Variants in CNTRL observed in about 807,000 individuals in gnomAD.
CNTRL encodes the protein 110 kDa centrosomal protein.
A neutral mutation model predicts 303.7 loss-of-function variants in CNTRL; 233 were observed. The ratio of observed to expected loss-of-function variants is 0.77; its 90% CI spans 0.69 to 0.86. The LOEUF is 0.86. CNTRL is among the 40% of genes least tolerant of loss of function. CNTRL has a pLI of 0.00. For missense variants in CNTRL, 2,524 were observed against 2,650.6 expected (o/e 0.95, Z 1.05); for synonymous variants, 900 against 922.2 (o/e 0.98, Z 0.44).
At chr9:121,177,078 C>T in intron 43 of CNTRL, 85 bp from the exon 44 acceptor site, 1 of 1,067,530 alleles carries the variant, frequency 9.4e-7, no homozygotes, top group Non-Finnish European at 1.5e-6. Flanking sequence ...TGTCATTTAC[C>T]TATAAGCCAT....
intron 32 of CNTRL, 132 bp downstream of exon 32, chr9:121,160,434 G>A (rs1040563589): frequency 1.1e-5 from 6 of 528,574 alleles, no homozygotes; most frequent in Non-Finnish European, 1.5e-5. Flanking sequence ...AAGCAAGCAG[G>A]TTATAAAAGG....
At chr9:121,162,347 G>C (rs1379627606) in intron 34 of CNTRL, 76 bp downstream of exon 34, 2 of 1,279,484 alleles carry the variant, frequency 1.6e-6, no homozygotes, top group African/African-American at 1.5e-5. Flanking sequence ...TAAAAAATTT[G>C]GAAAATAGAG....
At chr9:121,154,577 G>T in intron 26 of CNTRL, 144 bp from the exon 27 acceptor site, 1 of 572,054 alleles carries the variant, frequency 1.7e-6, no homozygotes, top group Non-Finnish European at 3.1e-6. Context: ...CCTAGACCTT[G>T]AACAAAATCA....
intron 16 of CNTRL, among the ~76,000 whole-genome samples, chr9:121,140,343 G>A (rs1255519397): frequency 2.0e-5 from 3 of 152,176 alleles, no homozygotes; most frequent in African/African-American, 4.8e-5. Flanking sequence ...GGATTAGATA[G>A]TACTACAGAA....
rs764424296 is a variant in CNTRL at position 121,173,721 on chromosome 9, G to C, written c.6731G>C (p.Arg2244Pro). The C allele has an allele frequency of 6.2e-7, 1 of 1,614,050 alleles. No homozygotes were observed. ...GEALREKLRH[R>P]EDRLKAQLRH... The stretch of plus-strand genomic sequence containing the variant: ...GCACTCCGGGAGAAACTGCGTCACC[G>C]GGAAGACCGACTCAAGGTTGCCCTT... Residue 2244 changes from arginine to proline, a missense_variant, in exon 42 of 44, where the codon CGG becomes CCG. Arg to Pro is a moderately radical substitution (Grantham distance 103). Transcript: ENST00000373855.
intron 7 of CNTRL, among the ~76,000 whole-genome samples, chr9:121,105,302 A>C (rs1250293719): frequency 6.6e-6 from 1 of 152,238 alleles, no homozygotes; most frequent in Non-Finnish European, 1.5e-5. Context: ...AGGTAGAAGC[A>C]GCAGCATTTT....
Position 121,158,244 on chromosome 9 carries a change from T to G in CNTRL, c.4764+135T>G, listed in dbSNP as rs1179765743. Reference sequence around the variant, plus strand: ...TTAAGCATGAAGTCTGAACTAAATTTGAATCCCAACTCAATACAATACTTC... The same window carrying G: ...TTAAGCATGAAGTCTGAACTAAATTGGAATCCCAACTCAATACAATACTTC... On this transcript the variant is annotated intron_variant, in intron 30 of 43. Coordinates refer to ENST00000373855, the MANE Select transcript of CNTRL (RefSeq NM_007018.6). 5 of 1,040,898 alleles carry G rather than the reference T, an allele frequency of 4.8e-6. No individual in the cohort carries two copies. The African/African-American group carries it at 6.4e-5, about 13-fold the overall frequency. The allele number at this position is 1,040,898 out of a possible 1,614,324, so 64.5% of individuals were successfully genotyped here. A position where few individuals can be genotyped will look rare whatever the true frequency, so the allele number is the denominator to read the frequency against.
At chr9:121,108,234 A>G (rs560304736) in intron 8 of CNTRL, among the ~76,000 whole-genome samples, 6 of 152,326 alleles carry the variant, frequency 3.9e-5, no homozygotes, top group Admixed American at 2.0e-4. Context: ...TTTAAAAACA[A>G]CATTGTAGGT....
At chr9:121,132,078 C>T (rs1402048256) in intron 14 of CNTRL, among the ~76,000 whole-genome samples, 1 of 152,146 alleles carries the variant, frequency 6.6e-6, no homozygotes, top group African/African-American at 2.4e-5. Context: ...TCCTTCATGT[C>T]AACCTTAGGG....
At chr9:121,093,296 C>T (rs2048747484) in intron 4 of CNTRL, among the ~76,000 whole-genome samples, 1 of 152,066 alleles carries the variant, frequency 6.6e-6, no homozygotes, top group Non-Finnish European at 1.5e-5. Context: ...GATATATTGC[C>T]TTACCAATAC....
At chr9:121,152,328 G>A (rs72760240) in intron 25 of CNTRL, 157 bp from the exon 26 acceptor site, 55,584 of 617,100 alleles carry the variant, frequency 0.09, 2,856 homozygotes, top group Non-Finnish European at 0.11. Context: ...AGTTTCATCC[G>A]TGACATTTAA....
intron 25 of CNTRL, chr9:121,150,762 A>G (rs559691882): frequency 1.1e-5 from 4 of 369,318 alleles, no homozygotes; most frequent in African/African-American, 8.3e-5. Flanking sequence ...AACAAAAACC[A>G]AAAAAACAAA....
rs765133341 is a variant in CNTRL, at chr9:121,171,516, A to T, written c.6385A>T (p.Met2129Leu). The stretch of plus-strand genomic sequence containing the variant: ...GCGCCTGATGAAGGAGCTCAACCAG[A>T]TGCAGTATGAGTACACGGAGCTCAA... Reference protein sequence around the residue: ...ARRLMKELNQMQYEYTELKKQ... With the variant: ...ARRLMKELNQLQYEYTELKKQ... Residue 2129 changes from methionine to leucine, a missense_variant, in exon 40 of 44, where the codon ATG becomes TTG. Physicochemically the swap from Met to Leu is conservative, Grantham distance 15 (BLOSUM62 2). Transcript: ENST00000373855. 6.2e-7 allele frequency: 1 copy of T among 1,613,864 alleles called. No individual in the cohort carries two copies. Among genetic ancestry groups the T allele is most frequent in the Non-Finnish European group, 8.5e-7 (1 of 1,179,926 alleles).
chr9:121,094,912 G>A lies in CNTRL; in HGVS notation c.373G>A (p.Val125Ile). The change falls in exon 5 of 44, where the codon GTT becomes ATT. Residue 125 changes from valine (V) to isoleucine (I), a missense_variant. Val to Ile is a conservative substitution (Grantham distance 29). Coordinates refer to ENST00000373855, the MANE Select transcript of CNTRL (RefSeq NM_007018.6). ...GTATATTGAGAATTTGGAAAAATGT[G>A]TTAAACTTGAAGTACTGAATCTCAG... ...FKYIENLEKC[V>I]KLEVLNLSYN... 1 of 1,578,786 alleles carries A rather than the reference G, an allele frequency of 6.3e-7. No homozygotes were observed.
At chr9:121,145,465 C>G in intron 22 of CNTRL, 80 bp downstream of exon 22, 1 of 1,398,598 alleles carries the variant, frequency 7.2e-7, no homozygotes, top group South Asian at 1.5e-5. Context: ...TTACCTTTAA[C>G]TGTTACAAAT....
chr9:121,145,430 A>C, intron 22 of CNTRL, 45 bp downstream of exon 22: 1 of 1,540,088 alleles, frequency 6.5e-7, no homozygotes, highest in South Asian at 1.3e-5. Context: ...TTGTAGTCAT[A>C]AAATTAAATC....
At chr9:121,100,782 T>G (rs1210565242) in intron 7 of CNTRL, among the ~76,000 whole-genome samples, 1 of 152,026 alleles carries the variant, frequency 6.6e-6, no homozygotes, top group African/African-American at 2.4e-5. Flanking sequence ...AAAACAGACT[T>G]TAAACCAACA....
At chr9:121,175,628 G>A (rs563732457) in intron 43 of CNTRL, among the ~76,000 whole-genome samples, 86 of 152,188 alleles carry the variant, frequency 5.7e-4, no homozygotes, top group Non-Finnish European at 1.1e-3. Context: ...AAAAGCCGTG[G>A]GGTGTATAAT....
At position 121,107,969 on chromosome 9, in the gene CNTRL, A is replaced by G. The variant is rs1019227104; in HGVS notation, c.976A>G (p.Ser326Gly). 1.3e-6 allele frequency: 2 copies of G among 1,586,738 alleles called. No individual in the cohort carries two copies. The highest frequency in any genetic ancestry group is 2.7e-5 in the African/African-American group (2 of 72,948). The change falls in exon 8 of 44, where the codon AGT becomes GGT. Residue 326 changes from serine to glycine, a missense_variant. By Grantham distance (56) the Ser-to-Gly change is moderately conservative. Transcript: ENST00000373855. Reference sequence around the variant, plus strand: ...GAAACAGAGCTGTGAGGAACTCAAGAGTGACTTAAACACAAAAAATGAATT... The same window carrying G: ...GAAACAGAGCTGTGAGGAACTCAAGGGTGACTTAAACACAAAAAATGAATT... ...LQKQSCEELKSDLNTKNELLK... is the reference protein window; with the variant it reads ...LQKQSCEELKGDLNTKNELLK...
Sources: gnomAD v4.1 joint callset for allele counts (sites outside exome capture counted in the v4.1 genomes callset) on GRCh38, gnomAD v4.1.1 for gene constraint, MANE v1.5 for transcripts, NCBI Gene and HGNC (gene_info 2026-07-23, HGNC 2026-07-21) for gene names.